The following KIF1B variants were observed in gnomAD, a reference collection of about 807,000 sequenced individuals.
KIF1B encodes the protein kinesin family member 1B.
In KIF1B, 76 loss-of-function variants were observed where a neutral mutation model predicts 241.9. That is an observed-to-expected ratio of 0.31 (90% confidence interval 0.26 to 0.38). The LOEUF (loss-of-function observed/expected upper bound fraction) is 0.38. Among genes scored for constraint, KIF1B ranks in the 10% least tolerant of loss-of-function variants. KIF1B has a pLI of 1.00. For synonymous variants in KIF1B, 750 were observed against 796.7 expected, an observed-to-expected ratio of 0.94 and a Z score of 0.99; for missense variants, 1,622 against 2,271.4, an observed-to-expected ratio of 0.71 and a Z score of 5.81.
intron 2 of KIF1B, among the ~76,000 whole-genome samples, chr1:10,251,331 C>CT (rs35158325): frequency 0.018 from 2,540 of 144,300 alleles, 39 homozygotes; most frequent in African/African-American, 0.033. Context: ...TTTTTCCTTT[C>CT]TTTTTTTTTT....
intron 29 of KIF1B, 144 bp downstream of exon 29, chr1:10,336,886 A>G: frequency 3.7e-6 from 4 of 1,088,954 alleles, no homozygotes; most frequent in Middle Eastern, 2.0e-4. Flanking sequence ...ATGTCTAACA[A>G]TTATGAAGGT....
chr1:10,222,206 C>T (rs115557811), intron 1 of KIF1B, among the ~76,000 whole-genome samples: 2,813 of 152,266 alleles, frequency 0.018, 41 homozygotes, highest in Non-Finnish European at 0.027. Flanking sequence ...AATGAATTAA[C>T]GCATCCTGCT....
chr1:10,377,133 G>T lies in KIF1B; in HGVS notation c.*546G>T. ...TTTTTAGAACCTGAGAGGAAAAAAAGAGTCTTTTTTTCCCCTCTGTCTCTT... is the reference window on the plus strand; with the variant it reads ...TTTTTAGAACCTGAGAGGAAAAAAATAGTCTTTTTTTCCCCTCTGTCTCTT... On this transcript the variant is annotated 3_prime_UTR_variant, in exon 49 of 49. Coordinates refer to ENST00000676179, the MANE Select transcript of KIF1B (RefSeq NM_001365951.3). 1 of 240,878 alleles carries T rather than the reference G, an allele frequency of 4.2e-6. No individual in the cohort carries two copies. Among genetic ancestry groups the T allele is most frequent in the Non-Finnish European group, 8.2e-6 (1 of 121,578 alleles). The allele number at this position is 240,878 out of a possible 1,614,324, so 14.9% of individuals were successfully genotyped here. A position where few individuals can be genotyped will look rare whatever the true frequency, so the allele number is the denominator to read the frequency against.
chr1:10,259,730 C>T (rs969979939), intron 4 of KIF1B, among the ~76,000 whole-genome samples: 2 of 151,840 alleles, frequency 1.3e-5, no homozygotes, highest in Non-Finnish European at 2.9e-5. Context: ...GATCTCCTGA[C>T]CTCAGGCAAT....
Position 10,365,714 on chromosome 1 carries a change from A to T in KIF1B, c.4752+66A>T. The T allele has an allele frequency of 6.2e-7, 1 of 1,604,710 alleles. No homozygotes were observed. Among genetic ancestry groups the T allele is most frequent in the Non-Finnish European group, 8.5e-7 (1 of 1,175,874 alleles). On this transcript the variant is annotated intron_variant, in intron 43 of 48. Coordinates refer to ENST00000676179, the MANE Select transcript of KIF1B (RefSeq NM_001365951.3). This position sits in a 1 kb window ranked among gnomAD's most constrained non-coding sequence, Gnocchi z 4.0. ...GCTCCACAAACTAGCCTCTCGGTTT[A>T]TTCATTTTCAACACCTTTGTTCGAG... is the stretch of plus-strand genomic sequence containing the variant.
intron 48 of KIF1B, among the ~76,000 whole-genome samples, chr1:10,375,786 GTTTTTTTTTTTTTTT>G (rs201620952): frequency 1.0e-4 from 7 of 69,566 alleles, no homozygotes; most frequent in East Asian, 4.1e-4. Context: ...TTCTTTTCTT[GTTTTTTTTTTTTTTT>G]TTTTTTTTTG....
At chr1:10,310,013 T>A (rs1651000148) in intron 22 of KIF1B, among the ~76,000 whole-genome samples, 1 of 151,498 alleles carries the variant, frequency 6.6e-6, no homozygotes, top group Non-Finnish European at 1.5e-5. Context: ...GCTCCTCAGC[T>A]CTTTCTGCCC....
In KIF1B at chr1:10,361,729, A is replaced by T; in HGVS notation, c.4208A>T (p.Asp1403Val). 1 of 1,614,046 alleles carries T rather than the reference A, an allele frequency of 6.2e-7. No homozygotes were observed. Among genetic ancestry groups the T allele is most frequent in the Non-Finnish European group, 8.5e-7 (1 of 1,180,028 alleles). ...HCIQPAVITK[D>V]VCMVFYSRDA... The stretch of plus-strand genomic sequence containing the variant: ...ATCCAGCCGGCTGTCATCACCAAGG[A>T]TGTGTGCATGGTCTTCTACTCCCGA... The change falls in exon 40 of 49, where the codon GAT (aspartate) becomes GTT (valine). Residue 1403 changes from aspartate (D) to valine (V), a missense_variant. Around this residue, in one of 7 missense-constraint regions of KIF1B, gnomAD observed 803 missense variants for 1,112.0 expected, o/e 0.72. Coordinates refer to ENST00000676179, the MANE Select transcript of KIF1B (RefSeq NM_001365951.3).
chr1:10,366,701 G>A (rs111412941), intron 43 of KIF1B, among the ~76,000 whole-genome samples: 173 of 152,286 alleles, frequency 1.1e-3, no homozygotes, highest in African/African-American at 4.0e-3. Context: ...GGCGAGGGGC[G>A]GTGGCTCACG....
chr1:10,277,305 A>G (rs911517291), intron 12 of KIF1B, among the ~76,000 whole-genome samples: 10 of 151,704 alleles, frequency 6.6e-5, no homozygotes, highest in African/African-American at 2.4e-4. Flanking sequence ...GAAAAAAACA[A>G]TTACCAACAG....
intron 2 of KIF1B, among the ~76,000 whole-genome samples, chr1:10,240,695 T>C (rs944796120): frequency 4.0e-5 from 6 of 151,078 alleles, no homozygotes; most frequent in African/African-American, 1.5e-4. Context: ...ATGGATTGAA[T>C]GGATTTAAGA....
In KIF1B at chr1:10,380,252, GA is replaced by G. The variant is rs761449918; in HGVS notation, c.*3668del. 22 of 212,326 alleles carry G rather than the reference GA, an allele frequency of 1.0e-4. No individual in the cohort carries two copies. The highest frequency in any genetic ancestry group is 5.9e-5 in the Admixed American group (1 of 17,006). 13.2% of individuals were successfully genotyped at this position (212,326 alleles called of 1,614,324 possible). A position where few individuals can be genotyped will look rare whatever the true frequency, so the allele number is the denominator to read the frequency against. On this transcript the variant is annotated 3_prime_UTR_variant, in exon 49 of 49. Transcript: ENST00000676179. ...ACTTACTTGCACAGTGGATTGGAGA[GA>G]AAGGATTCTCCAGTGTGCACACTCA...
intron 22 of KIF1B, among the ~76,000 whole-genome samples, chr1:10,311,164 A>G (rs1651048953): frequency 6.7e-6 from 1 of 150,154 alleles, no homozygotes. Context: ...ACATGTCACC[A>G]GTTGCAAAAG....
chr1:10,327,128 T>C (rs1164367224), intron 27 of KIF1B, among the ~76,000 whole-genome samples: 1 of 152,068 alleles, frequency 6.6e-6, no homozygotes, highest in East Asian at 1.9e-4. Context: ...CCCAGCACTT[T>C]GGGAGGCTGA....
intron 2 of KIF1B, among the ~76,000 whole-genome samples, chr1:10,233,911 G>A (rs1647015060): frequency 6.6e-6 from 1 of 151,676 alleles, no homozygotes; most frequent in South Asian, 2.1e-4. Context: ...CAAAGTGCTG[G>A]GATTACAGGC....
intron 7 of KIF1B, among the ~76,000 whole-genome samples, chr1:10,271,143 A>T (rs934886793): frequency 6.6e-6 from 1 of 151,578 alleles, no homozygotes; most frequent in African/African-American, 2.4e-5. Context: ...TTGAACCGTG[A>T]TAATTGCTAT....
chr1:10,343,169 G>A, intron 33 of KIF1B, 63 bp from the exon 34 acceptor site: 4 of 1,546,562 alleles, frequency 2.6e-6, no homozygotes, highest in Non-Finnish European at 2.7e-6. Flanking sequence ...CCAGCACAAA[G>A]GGGAGAATTT....
chr1:10,303,186 C>G lies in KIF1B; in HGVS notation c.2115+5940C>G. ...AGGACGCGGATTCTGATAGCGGGGA[C>G]GATTCTGACAAGAGGTCGTGTGAAG... On this transcript the variant is annotated intron_variant, in intron 22 of 48. Transcript: ENST00000676179. This position sits in a 1 kb window ranked among gnomAD's most constrained non-coding sequence, Gnocchi z 5.2. The G allele has an allele frequency of 6.2e-7, 1 of 1,613,236 alleles. No homozygotes were observed. The highest frequency in any genetic ancestry group is 8.5e-7 in the Non-Finnish European group (1 of 1,179,648).
Position 10,348,651 on chromosome 1 carries a change from C to T in KIF1B, c.3867C>T (p.Gly1289=), listed in dbSNP as rs1221915153. 1 of 1,613,662 alleles carries T rather than the reference C, an allele frequency of 6.2e-7. No homozygotes were observed. Among genetic ancestry groups the T allele is most frequent in the South Asian group, 1.1e-5 (1 of 91,058 alleles). ...PCQGTFLLHQ[G]IQRRITVTII... ...TGCAACCCTGCTTCATTACCTAGGG[C>T]ATCCAGCGAAGGATCACAGTGACCA... Residue 1289 remains glycine (G), a splice_region_variant and synonymous_variant, in exon 37 of 49, where the codon GGC becomes GGT. Coordinates refer to ENST00000676179, the MANE Select transcript of KIF1B (RefSeq NM_001365951.3).
Sources: allele counts gnomAD v4.1 joint callset (sites outside exome capture counted in the v4.1 genomes callset), GRCh38; gene constraint gnomAD v4.1.1; regional missense constraint gnomAD v4.1.1; non-coding constraint Gnocchi (gnomAD v3.1); transcripts MANE v1.5; gene names NCBI Gene and HGNC (gene_info 2026-07-23, HGNC 2026-07-21).